The following PRDM2 variants were observed in gnomAD, a reference collection of about 807,000 sequenced individuals.
The protein encoded by PRDM2 is PR/SET domain 2, also known as PR domain zinc finger protein 2.
In PRDM2, 30 loss-of-function variants were observed where a neutral mutation model predicts 130.0. That is an observed-to-expected ratio of 0.23 (90% CI 0.17 to 0.31). The LOEUF (loss-of-function observed/expected upper bound fraction) is 0.31. Among genes scored for constraint, PRDM2 ranks in the 10% least tolerant of loss-of-function variants. The probability of loss-of-function intolerance (pLI) is 1.00; values close to 1 mark genes in which losing one functional copy is unlikely to be tolerated. For missense variants in PRDM2, 2,011 were observed against 2,108.4 expected (o/e 0.95, Z 0.90); for synonymous variants, 871 against 782.4 (o/e 1.11, Z -1.89).
chr1:13,716,114 G>A (rs977495217), intron 2 of PRDM2, among the ~76,000 whole-genome samples: 2 of 152,064 alleles, frequency 1.3e-5, no homozygotes, highest in Middle Eastern at 6.8e-3. Context: ...GGAATACTAT[G>A]CAGCCATAAA....
chr1:13,747,116 C>G (rs779340411), intron 5 of PRDM2, among the ~76,000 whole-genome samples: 3 of 152,184 alleles, frequency 2.0e-5, no homozygotes, highest in Non-Finnish European at 4.4e-5. Context: ...AACTTAAGCT[C>G]TTATTCTTAG....
intron 6 of PRDM2, among the ~76,000 whole-genome samples, chr1:13,751,936 C>CT (rs1643857591): frequency 1.3e-5 from 2 of 152,044 alleles, no homozygotes; most frequent in South Asian, 4.2e-4. Context: ...CCCCTTCTCT[C>CT]TCCCCTCATC....
chr1:13,773,023 G>C, intron 6 of PRDM2, 55 bp from the exon 7 acceptor site: 1 of 1,008,572 alleles, frequency 9.9e-7, no homozygotes, highest in South Asian at 1.8e-5. Flanking sequence ...GGGAATGAAT[G>C]AATGAATAAA....
chr1:13,762,530 G>T (rs1056936181), intron 6 of PRDM2, among the ~76,000 whole-genome samples: 1 of 152,172 alleles, frequency 6.6e-6, no homozygotes, highest in African/African-American at 2.4e-5. Context: ...ATTGGACGCT[G>T]GCCTAGGAAG....
intron 6 of PRDM2, chr1:13,772,256 A>C (rs2100632122): frequency 6.6e-6 from 1 of 152,356 alleles, no homozygotes; most frequent in Non-Finnish European, 1.5e-5. Flanking sequence ...ATTCTGGTTA[A>C]ATCCTAAAGA....
At chr1:13,740,373 T>G (rs1042352576) in intron 4 of PRDM2, among the ~76,000 whole-genome samples, 2 of 152,180 alleles carry the variant, frequency 1.3e-5, no homozygotes, top group African/African-American at 2.4e-5. Flanking sequence ...TGCAGTAAAT[T>G]AAAATGAAAC....
In PRDM2 at chr1:13,824,468, T is replaced by C. The variant is rs1011862201; in HGVS notation, c.*1333T>C. ...TTTTAAAGTTTTATAACTTGTGTTATTTAATGAGTCAGTCAATCGGCTGCA... is the reference window on the plus strand; with the variant it reads ...TTTTAAAGTTTTATAACTTGTGTTACTTAATGAGTCAGTCAATCGGCTGCA... On this transcript the variant is annotated 3_prime_UTR_variant, in exon 10 of 10. Coordinates refer to ENST00000311066, the MANE Select transcript of PRDM2 (RefSeq NM_001393986.1). 4 of 152,196 alleles carry C rather than the reference T, an allele frequency of 2.6e-5. No individual in the cohort carries two copies. Among genetic ancestry groups the C allele is most frequent in the Non-Finnish European group, 5.9e-5 (4 of 68,044 alleles). 9.4% of individuals were successfully genotyped at this position (152,196 alleles called of 1,614,324 possible). A position where few individuals can be genotyped will look rare whatever the true frequency, so the allele number is the denominator to read the frequency against.
At position 13,749,465 on chromosome 1, in the gene PRDM2, G is replaced by A; in HGVS notation, c.489G>A (p.Arg163=). The part of the protein sequence containing the change: ...EEERASARSK[R]SSPKSRKGKK... ...AGCGAGCCAGCGCCCGGAGCAAGCG[G>A]AGCTCCCCCAAGAGCCGGAAAGGTA... The change falls in exon 6 of 10, where the codon CGG becomes CGA. Residue 163 remains arginine (R), a synonymous_variant. Coordinates refer to ENST00000311066, the MANE Select transcript of PRDM2 (RefSeq NM_001393986.1). 6.7e-7 allele frequency: 1 copy of A among 1,493,198 alleles called. No homozygotes were observed. Among genetic ancestry groups the A allele is most frequent in the Non-Finnish European group, 9.0e-7 (1 of 1,108,116 alleles). The allele number at this position is 1,493,198 out of a possible 1,614,324, so 92.5% of individuals were successfully genotyped here. A position where few individuals can be genotyped will look rare whatever the true frequency, so the allele number is the denominator to read the frequency against.
chr1:13,794,627 G>A (rs1051123436), intron 8 of PRDM2, among the ~76,000 whole-genome samples: 3 of 152,166 alleles, frequency 2.0e-5, no homozygotes, highest in East Asian at 1.9e-4. Context: ...GAATTGCCAC[G>A]AAGACAACTT....
At chr1:13,703,141 T>G (rs1157832807) in intron 1 of PRDM2, among the ~76,000 whole-genome samples, 1 of 152,212 alleles carries the variant, frequency 6.6e-6, no homozygotes, top group Non-Finnish European at 1.5e-5. Flanking sequence ...CTTTATGGAG[T>G]GTCTGAAAGC....
chr1:13,799,000 T>TC (rs1644965231), intron 8 of PRDM2, among the ~76,000 whole-genome samples: 1 of 152,168 alleles, frequency 6.6e-6, no homozygotes, highest in African/African-American at 2.4e-5. Context: ...TCCTTCACCG[T>TC]GGTGAGTCAG....
intron 2 of PRDM2, among the ~76,000 whole-genome samples, chr1:13,728,683 G>C (rs866851748): frequency 1.3e-5 from 2 of 152,170 alleles, no homozygotes; most frequent in South Asian, 4.1e-4. Context: ...AGTGGGACAA[G>C]ATGTGGAATA....
At chr1:13,766,537 AG>A (rs1644231115) in intron 6 of PRDM2, among the ~76,000 whole-genome samples, 1 of 152,194 alleles carries the variant, frequency 6.6e-6, no homozygotes, top group Non-Finnish European at 1.5e-5. Flanking sequence ...TGGAGGGCAG[AG>A]GAACTGGAGG....
At chr1:13,704,869 C>A (rs1054073332) in intron 1 of PRDM2, 3 of 152,322 alleles carry the variant, frequency 2.0e-5, no homozygotes, top group Admixed American at 2.0e-4. Flanking sequence ...AAGTGACATT[C>A]TAAATGTTCC....
Position 13,779,521 on chromosome 1 carries a change from A to G in PRDM2, c.1726A>G (p.Thr576Ala). The G allele has an allele frequency of 6.2e-7, 1 of 1,614,144 alleles. No homozygotes were observed. Residue 576 changes from threonine to alanine, a missense_variant, in exon 8 of 10, where the codon ACT becomes GCT. Thr to Ala is a moderately conservative substitution (Grantham distance 58). Around this residue, in one of 5 missense-constraint regions of PRDM2, gnomAD observed 1,288 missense variants for 1,237.7 expected, o/e 1.04. Transcript: ENST00000311066. The surrounding 1 kb of genome is among the most constrained non-coding windows in gnomAD (Gnocchi z 4.9). ...LNYYIDGKIQ[T>A]NNNTSNCDVI... is the part of the protein sequence containing the mutation. The stretch of plus-strand genomic sequence containing the variant: ...TTACTATATTGATGGTAAAATTCAA[A>G]CTAATAACAACACTAGTAACTGTGA...
At chr1:13,721,229 A>G (rs1569731896) in intron 2 of PRDM2, among the ~76,000 whole-genome samples, 1 of 152,202 alleles carries the variant, frequency 6.6e-6, no homozygotes, top group East Asian at 1.9e-4. Context: ...ATGGGAGACC[A>G]TCTGACCATG....
chr1:13,708,391 A>G (rs1327932196), intron 1 of PRDM2, among the ~76,000 whole-genome samples: 2 of 152,196 alleles, frequency 1.3e-5, no homozygotes, highest in African/African-American at 4.8e-5. Flanking sequence ...TAAATATATC[A>G]AACAAAAGCT....
At chr1:13,724,814 T>C (rs1642855063) in intron 2 of PRDM2, among the ~76,000 whole-genome samples, 1 of 152,142 alleles carries the variant, frequency 6.6e-6, no homozygotes, top group Non-Finnish European at 1.5e-5. Context: ...AAAAAGATAT[T>C]GCAGGGCATA....
At chr1:13,731,180 C>T in intron 3 of PRDM2, 63 bp downstream of exon 3, 3 of 1,317,816 alleles carry the variant, frequency 2.3e-6, no homozygotes, top group East Asian at 2.4e-5. Flanking sequence ...GTGAGGCTTC[C>T]TGCAGGGGCA....
Sources: allele counts gnomAD v4.1 joint callset (sites outside exome capture counted in the v4.1 genomes callset), GRCh38; gene constraint gnomAD v4.1.1; regional missense constraint gnomAD v4.1.1; non-coding constraint Gnocchi (gnomAD v3.1); transcripts MANE v1.5; gene names NCBI Gene and HGNC (gene_info 2026-07-23, HGNC 2026-07-21).